TLK2: variants seen among roughly 807,000 people sequenced by gnomAD.
TLK2 encodes the protein serine/threonine-protein kinase tousled-like 2.
Under a neutral mutation model 117.3 loss-of-function variants are expected in TLK2, and 6 were observed. The observed-to-expected ratio is 0.05, with a 90% CI of 0.03 to 0.10. The LOEUF is 0.10. Among genes scored for constraint, TLK2 ranks in the 10% least tolerant of loss-of-function variants. TLK2 has a pLI of 1.00. For synonymous variants in TLK2, 257 were observed against 316.7 expected, an observed-to-expected ratio of 0.81 and a Z score of 2.00; for missense variants, 299 against 901.2, an observed-to-expected ratio of 0.33 and a Z score of 8.56.
chr17:62,484,357 C>T (rs1425606966), intron 2 of TLK2, among the ~76,000 whole-genome samples: 2 of 151,678 alleles, frequency 1.3e-5, no homozygotes, highest in African/African-American at 2.4e-5. Flanking sequence ...AGTGCAGTGG[C>T]GCGATCTCAG....
chr17:62,531,260 T>C (rs2076720293), intron 6 of TLK2, among the ~76,000 whole-genome samples: 1 of 132,976 alleles, frequency 7.5e-6, no homozygotes, highest in Admixed American at 8.0e-5. Flanking sequence ...GCTTTTGACT[T>C]TTTTTGTATT....
At chr17:62,526,162 A>G (rs1274953281) in intron 6 of TLK2, among the ~76,000 whole-genome samples, 1 of 152,196 alleles carries the variant, frequency 6.6e-6, no homozygotes, top group Non-Finnish European at 1.5e-5. Context: ...GTTAAAATAG[A>G]AACCAAAGCT....
intron 9 of TLK2, among the ~76,000 whole-genome samples, chr17:62,555,483 AT>A (rs35222378): frequency 5.1e-3 from 715 of 140,574 alleles, no homozygotes; most frequent in South Asian, 0.017. Flanking sequence ...ATTATTATTA[AT>A]TTTTTTTTTT....
chr17:62,596,674 C>T lies in TLK2; in HGVS notation c.1550C>T (p.Ser517Leu). ...LYDYFSLDTDSFCTVLEYCEG... is the reference protein window; with the variant it reads ...LYDYFSLDTDLFCTVLEYCEG... ...GATTACTTTTCACTGGATACTGACT[C>T]GTAAGTGCTGTGCTGTTTTACCTTA... The change falls in exon 17 of 22, where the codon TCG (serine) becomes TTG (leucine). Residue 517 changes from serine (S) to leucine (L), a missense_variant and splice_region_variant. Physicochemically the swap from Ser to Leu is moderately radical, Grantham distance 145. Transcript: ENST00000346027. 1 of 1,612,650 alleles carries T rather than the reference C, an allele frequency of 6.2e-7. No individual in the cohort carries two copies. The highest frequency in any genetic ancestry group is 8.5e-7 in the Non-Finnish European group (1 of 1,178,752).
chr17:62,499,170 G>T (rs1254351228), intron 2 of TLK2, among the ~76,000 whole-genome samples: 1 of 151,936 alleles, frequency 6.6e-6, no homozygotes, highest in African/African-American at 2.4e-5. Context: ...GCAAAACCCT[G>T]TCTCTACTAA....
chr17:62,579,662 A>G (rs1173692121), intron 14 of TLK2, among the ~76,000 whole-genome samples: 1 of 152,224 alleles, frequency 6.6e-6, no homozygotes, highest in East Asian at 1.9e-4. Flanking sequence ...CACATAGAAC[A>G]TGTGACTCAC....
intron 2 of TLK2, among the ~76,000 whole-genome samples, chr17:62,488,083 C>T (rs976055782): frequency 4.6e-5 from 7 of 151,852 alleles, no homozygotes; most frequent in East Asian, 1.9e-4. Context: ...GGGAGGTGCC[C>T]GCCACCATGC....
intron 13 of TLK2, 127 bp from the exon 14 acceptor site, chr17:62,578,350 A>G (rs1386800691): frequency 1.3e-5 from 9 of 711,696 alleles, no homozygotes; most frequent in Admixed American, 2.8e-5. Flanking sequence ...TCTTAAAGAA[A>G]TCTTTCAATG....
At chr17:62,516,196 A>AT in intron 2 of TLK2, 1 of 612,562 alleles carries the variant, frequency 1.6e-6, no homozygotes, top group South Asian at 1.8e-5. Context: ...AAGTGCTGGG[A>AT]TTACAGGCAT....
At chr17:62,491,740 C>T (rs1439523635) in intron 2 of TLK2, among the ~76,000 whole-genome samples, 1 of 152,086 alleles carries the variant, frequency 6.6e-6, no homozygotes, top group Admixed American at 6.6e-5. Flanking sequence ...TGGGTGCCAC[C>T]ATGCCCTGCT....
chr17:62,564,017 A>G (rs2079521163), intron 10 of TLK2, among the ~76,000 whole-genome samples: 1 of 152,192 alleles, frequency 6.6e-6, no homozygotes, highest in African/African-American at 2.4e-5. Context: ...TCTAGAAAAT[A>G]TTAGATAGAG....
chr17:62,565,270 T>A, intron 11 of TLK2, 133 bp downstream of exon 11: 2 of 1,144,996 alleles, frequency 1.7e-6, no homozygotes, highest in South Asian at 1.7e-5. Flanking sequence ...TCACCACATG[T>A]GGAAAGAAAT....
chr17:62,552,470 G>A, intron 8 of TLK2, 73 bp downstream of exon 8: 3 of 1,602,828 alleles, frequency 1.9e-6, no homozygotes, highest in Non-Finnish European at 2.6e-6. Flanking sequence ...TGTGTAGTCT[G>A]TCATTCTTCT....
chr17:62,479,517 CG>C (rs2071353793), intron 1 of TLK2, among the ~76,000 whole-genome samples: 1 of 152,018 alleles, frequency 6.6e-6, no homozygotes, highest in South Asian at 2.1e-4. Context: ...GGATTGGGGC[CG>C]GCGGCCGGAG....
At chr17:62,521,064 G>A (rs958587480) in intron 3 of TLK2, among the ~76,000 whole-genome samples, 3 of 152,186 alleles carry the variant, frequency 2.0e-5, no homozygotes, top group African/African-American at 7.2e-5. Context: ...CTACTTGGAG[G>A]TCGGAGGATC....
chr17:62,595,652 A>G (rs2082424167), intron 16 of TLK2, among the ~76,000 whole-genome samples: 1 of 151,864 alleles, frequency 6.6e-6, no homozygotes, highest in African/African-American at 2.4e-5. Context: ...CATTGACCGA[A>G]GGGTTGTTCT....
At chr17:62,594,927 A>G (rs927603063) in intron 16 of TLK2, among the ~76,000 whole-genome samples, 19 of 152,220 alleles carry the variant, frequency 1.2e-4, no homozygotes, top group African/African-American at 4.6e-4. Context: ...TAGGGGAAGA[A>G]CAAACAGACT....
At chr17:62,523,226 A>T in intron 5 of TLK2, 49 bp downstream of exon 5, 1 of 1,578,674 alleles carries the variant, frequency 6.3e-7, no homozygotes, top group Non-Finnish European at 8.6e-7. Flanking sequence ...AAACAAAAAA[A>T]CTCTATAGTG....
At chr17:62,555,867 G>A (rs951793769) in intron 9 of TLK2, among the ~76,000 whole-genome samples, 9 of 152,030 alleles carry the variant, frequency 5.9e-5, no homozygotes, top group Admixed American at 2.6e-4. Flanking sequence ...CAAGCTGTGC[G>A]CTCCCCAGTC....
Sources: allele counts gnomAD v4.1 joint callset (sites outside exome capture counted in the v4.1 genomes callset), GRCh38; gene constraint gnomAD v4.1.1; transcripts MANE v1.5; gene names NCBI Gene and HGNC (gene_info 2026-07-23, HGNC 2026-07-21).